HPSE2: variants seen among roughly 807,000 people sequenced by gnomAD.
The protein encoded by HPSE2 is heparanase 2 (inactive).
Under a neutral mutation model 60.5 loss-of-function variants are expected in HPSE2, and 38 were observed. That is an observed-to-expected ratio of 0.63 (90% CI 0.48 to 0.82). HPSE2 has a LOEUF of 0.82. HPSE2 is among the 40% of genes least tolerant of loss of function. The pLI is 0.00. For missense variants in HPSE2, 713 were observed against 740.4 expected, an observed-to-expected ratio of 0.96 and a Z score of 0.43; for synonymous variants, 295 against 293.2, an observed-to-expected ratio of 1.01 and a Z score of -0.06.
chr10:99,144,452 A>G (rs892660287), intron 2 of HPSE2, 53 bp from the exon 3 acceptor site: 2 of 1,590,440 alleles, frequency 1.3e-6, no homozygotes, highest in African/African-American at 1.3e-5. Flanking sequence ...AAAACAAAAA[A>G]TAATACATCA....
At chr10:98,588,506 C>T (rs1944999123) in intron 9 of HPSE2, among the ~76,000 whole-genome samples, 1 of 152,076 alleles carries the variant, frequency 6.6e-6, no homozygotes, top group South Asian at 2.1e-4. Context: ...CTGCCACGGC[C>T]TTTGCTTTCC....
intron 9 of HPSE2, among the ~76,000 whole-genome samples, chr10:98,600,911 G>GTATATATATATA (rs71007402): frequency 3.4e-4 from 25 of 73,718 alleles, no homozygotes; most frequent in African/African-American, 8.5e-4. Context: ...ATGTGTGTGT[G>GTATATATATATA]TATATATATA....
At chr10:98,762,318 T>G in intron 3 of HPSE2, among the ~76,000 whole-genome samples, 1 of 147,868 alleles carries the variant, frequency 6.8e-6, no homozygotes. Context: ...GCTAAAACCT[T>G]GAGAAAAAAG....
At chr10:98,591,338 A>C (rs1945084255) in intron 9 of HPSE2, among the ~76,000 whole-genome samples, 1 of 152,176 alleles carries the variant, frequency 6.6e-6, no homozygotes, top group Non-Finnish European at 1.5e-5. Context: ...CATTCTTCTC[A>C]CAATTAATTG....
chr10:99,170,259 T>C (rs1847258385), intron 2 of HPSE2, among the ~76,000 whole-genome samples: 1 of 152,156 alleles, frequency 6.6e-6, no homozygotes, highest in Admixed American at 6.5e-5. Context: ...CAAACGACAC[T>C]CTGGCAGGAA....
chr10:98,536,440 C>T (rs532102786), intron 9 of HPSE2, among the ~76,000 whole-genome samples: 3 of 152,236 alleles, frequency 2.0e-5, no homozygotes, highest in African/African-American at 7.2e-5. Context: ...TCAATGTGAA[C>T]AAAGAATCCT....
intron 3 of HPSE2, among the ~76,000 whole-genome samples, chr10:98,798,468 T>C (rs1441395762): frequency 6.6e-6 from 1 of 152,178 alleles, no homozygotes; most frequent in Admixed American, 6.5e-5. Context: ...TAAACTATTC[T>C]TAAGTAGGAA....
chr10:99,190,996 C>T (rs1430839906), intron 2 of HPSE2, among the ~76,000 whole-genome samples: 1 of 152,190 alleles, frequency 6.6e-6, no homozygotes, highest in African/African-American at 2.4e-5. Flanking sequence ...GCAGTACTCA[C>T]AGCAGGCCTA....
At chr10:98,522,137 A>AT (rs1942814924) in intron 9 of HPSE2, among the ~76,000 whole-genome samples, 2 of 106,572 alleles carry the variant, frequency 1.9e-5, no homozygotes, top group African/African-American at 3.0e-5. Flanking sequence ...GGATAATTAT[A>AT]AAAAAAAAAA....
intron 3 of HPSE2, among the ~76,000 whole-genome samples, chr10:99,009,209 G>A (rs1053043212): frequency 2.0e-4 from 24 of 121,564 alleles, no homozygotes; most frequent in Admixed American, 5.6e-4. Flanking sequence ...TTCACAACCA[G>A]CCTGGGCAAC....
chr10:98,512,246 T>C (rs957049262), intron 9 of HPSE2, among the ~76,000 whole-genome samples: 1 of 152,210 alleles, frequency 6.6e-6, no homozygotes. Context: ...CTAGAGGTAA[T>C]GAAATACCCT....
At chr10:98,578,309 G>GCCCAGTCTTTTGGATGGGGAC (rs1944696948) in intron 9 of HPSE2, among the ~76,000 whole-genome samples, 1 of 152,226 alleles carries the variant, frequency 6.6e-6, no homozygotes, top group Non-Finnish European at 1.5e-5. Flanking sequence ...ATTGGAGATG[G>GCCCAGTCTTTTGGATGGGGAC]CCCAGTCTTT....
intron 9 of HPSE2, among the ~76,000 whole-genome samples, chr10:98,530,530 C>T (rs899605773): frequency 6.6e-6 from 1 of 152,176 alleles, no homozygotes; most frequent in African/African-American, 2.4e-5. Flanking sequence ...GATCTTGAGG[C>T]AAGTGTCATG....
At chr10:98,861,307 C>T (rs1952453879) in intron 3 of HPSE2, among the ~76,000 whole-genome samples, 1 of 152,156 alleles carries the variant, frequency 6.6e-6, no homozygotes, top group Non-Finnish European at 1.5e-5. Context: ...GGGGTTAAGG[C>T]AGTGATCTTC....
rs1941593234 is a variant in HPSE2 at position 98,490,201 on chromosome 10, G to T, written c.1321-5C>A. ...GAGGAGAGAGAGCCAGTAGTCCTGA[G>T]GAGAATAGAGAGGGAGAGGGTCAGC... On this transcript the variant is annotated splice_polypyrimidine_tract_variant and splice_region_variant and intron_variant, in intron 9 of 11. Coordinates refer to ENST00000370552, the MANE Select transcript of HPSE2 (RefSeq NM_021828.5). The T allele has an allele frequency of 6.2e-7, 1 of 1,613,996 alleles. No individual in the cohort carries two copies.
intron 3 of HPSE2, among the ~76,000 whole-genome samples, chr10:98,999,205 G>A (rs1163604864): frequency 6.6e-6 from 1 of 151,308 alleles, no homozygotes; most frequent in Non-Finnish European, 1.5e-5. Flanking sequence ...GCATGTGTGT[G>A]TAAAGAGAGA....
In HPSE2 at chr10:98,554,003, C is replaced by T. The variant is rs143726170; in HGVS notation, c.1320+60901G>A. 4.9e-3 allele frequency among the ~76,000 whole-genome samples: 745 copies of T among 152,270 alleles called. 7 individuals are homozygous for T. The highest frequency in any genetic ancestry group is 0.017 in the African/African-American group (704 of 41,540). The stretch of plus-strand genomic sequence containing the variant: ...AGAGCTCACTAAGGATCCAAGGGTA[C>T]TTTGAGTACTCTTAGCATTAAGTAA... On this transcript the variant is annotated intron_variant, in intron 9 of 11. Transcript: ENST00000370552.
At chr10:99,204,316 G>A (rs1194724751) in intron 2 of HPSE2, among the ~76,000 whole-genome samples, 1 of 152,206 alleles carries the variant, frequency 6.6e-6, no homozygotes, top group Non-Finnish European at 1.5e-5. Context: ...TCAGGAACTA[G>A]GCCAGCCTGC....
intron 3 of HPSE2, among the ~76,000 whole-genome samples, chr10:98,809,052 C>T (rs1194709381): frequency 6.6e-6 from 1 of 152,074 alleles, no homozygotes; most frequent in African/African-American, 2.4e-5. Flanking sequence ...ATCTACCTTC[C>T]CAGGTGACTC....
Sources: gnomAD v4.1 joint callset for allele counts (sites outside exome capture counted in the v4.1 genomes callset) on GRCh38, gnomAD v4.1.1 for gene constraint, MANE v1.5 for transcripts, NCBI Gene and HGNC (gene_info 2026-07-23, HGNC 2026-07-21) for gene names.